The following ROS1 variants were observed in gnomAD, a reference collection of about 807,000 sequenced individuals.
ROS1 encodes ROS proto-oncogene 1, receptor tyrosine kinase.
ROS1 carries 263 observed loss-of-function variants against 273.5 expected under a neutral mutation model. The ratio of observed to expected loss-of-function variants is 0.96; its 90% confidence interval spans 0.87 to 1.06. The LOEUF is 1.06. ROS1 is among the 50% of genes least tolerant of loss of function. The pLI is 0.00. For synonymous variants in ROS1, 1,008 were observed against 954.1 expected, an observed-to-expected ratio of 1.06 and a Z score of -1.04; for missense variants, 2,833 against 2,751.1, an observed-to-expected ratio of 1.03 and a Z score of -0.67.
Position 117,300,983 on chromosome 6 carries a change from T to C in ROS1, c.6706A>G (p.Ser2236Gly), listed in dbSNP as rs1774675235. 1 of 1,564,520 alleles carries C rather than the reference T, an allele frequency of 6.4e-7. No individual in the cohort carries two copies. The highest frequency in any genetic ancestry group is 1.2e-5 in the South Asian group (1 of 80,544). ...GAAGAATCAAACTTACCTTCAAAGCTTTCATTTATGACTCCACTGTTGTTT... is the reference window on the plus strand; with the variant it reads ...GAAGAATCAAACTTACCTTCAAAGCCTTCATTTATGACTCCACTGTTGTTT... ...EANNSGVINE[S>G]FEGEDGDVIC... The change falls in exon 43 of 44, where the codon AGC becomes GGC. Residue 2236 changes from serine (S) to glycine (G), a missense_variant. Ser to Gly is a moderately conservative substitution (Grantham distance 56). Coordinates refer to ENST00000368507, the MANE Select transcript of ROS1 (RefSeq NM_001378902.1).
chr6:117,394,238 T>A lies in ROS1; in HGVS notation c.1115A>T (p.Tyr372Phe), dbSNP rs1562358765. Residue 372 changes from tyrosine (Y) to phenylalanine (F), a missense_variant, in exon 11 of 44, where the codon TAC becomes TTC. Physicochemically the swap from Tyr to Phe is conservative, Grantham distance 22. Transcript: ENST00000368507. ...MSDVSDLRIF[Y>F]RGSGLISSIS... is the part of the protein sequence containing the mutation. ...AGAAGAAATTAATCCTGAACCTCTGTAAAAAATTCTCAGGTCAGATACATC... is the reference window on the plus strand; with the variant it reads ...AGAAGAAATTAATCCTGAACCTCTGAAAAAAATTCTCAGGTCAGATACATC... 4 of 1,610,634 alleles carry A rather than the reference T, an allele frequency of 2.5e-6. No homozygotes were observed. In the Admixed American group the frequency reaches 6.7e-5, roughly 27 times the overall value.
At chr6:117,408,361 T>G (rs1330651532) in intron 5 of ROS1, among the ~76,000 whole-genome samples, 3 of 151,744 alleles carry the variant, frequency 2.0e-5, no homozygotes, top group Non-Finnish European at 4.4e-5. Flanking sequence ...TCAAACAAAT[T>G]TACAAGAAAA....
intron 9 of ROS1, 94 bp from the exon 10 acceptor site, chr6:117,394,832 G>T (rs934118733): frequency 2.6e-6 from 3 of 1,137,566 alleles, no homozygotes; most frequent in African/African-American, 1.5e-5. Context: ...AAAGCAAGGG[G>T]ACTAGTGCTT....
At chr6:117,383,048 C>T (rs1184944480) in intron 17 of ROS1, among the ~76,000 whole-genome samples, 1 of 151,970 alleles carries the variant, frequency 6.6e-6, no homozygotes, top group Non-Finnish European at 1.5e-5. Flanking sequence ...AAGTTGGGTT[C>T]ACTCAAAATA....
Position 117,337,172 on chromosome 6 carries a change from C to G in ROS1, c.5230G>C (p.Ala1744Pro), listed in dbSNP as rs1035565334. ...GAGTATTGAGTATGTTAGTACTCAC[C>G]TTTTGTCTTAAAGCTTTCTGGAAGT... ...TSLPESFKTK[A>P]GVPNKPGIPK... Residue 1744 changes from alanine (A) to proline (P), a missense_variant and splice_region_variant, in exon 32 of 44, where the codon GCT (alanine) becomes CCT (proline). By Grantham distance (27) the Ala-to-Pro change is conservative. Coordinates refer to ENST00000368507, the MANE Select transcript of ROS1 (RefSeq NM_001378902.1). The G allele has an allele frequency of 2.9e-5, 47 of 1,610,598 alleles. No individual in the cohort carries two copies. Among genetic ancestry groups the G allele is most frequent in the Non-Finnish European group, 3.9e-5 (46 of 1,178,222 alleles).
intron 2 of ROS1, 79 bp from the exon 3 acceptor site, chr6:117,416,396 T>G: frequency 1.1e-6 from 1 of 893,544 alleles, no homozygotes; most frequent in South Asian, 1.4e-5. Context: ...TACAATGTAG[T>G]AACAAAAGGC....
rs751398495 is a variant in ROS1, at chr6:117,389,725, G to A, written c.1411C>T (p.Pro471Ser). The A allele has an allele frequency of 1.9e-6, 3 of 1,614,164 alleles. No homozygotes were observed. The highest frequency in any genetic ancestry group is 2.2e-5 in the South Asian group (2 of 91,080). Residue 471 changes from proline (P) to serine (S), a missense_variant, in exon 13 of 44, where the codon CCA becomes TCA. Coordinates refer to ENST00000368507, the MANE Select transcript of ROS1 (RefSeq NM_001378902.1). ...SCTLKDFAIK[P>S]QAKRIIYFND... Reference sequence around the variant, plus strand: ...AAGTAAATGATTCGCTTGGCTTGTGGCTTGATTGCAAAGTCCTTTAACGTG... The same window carrying A: ...AAGTAAATGATTCGCTTGGCTTGTGACTTGATTGCAAAGTCCTTTAACGTG...
intron 35 of ROS1, among the ~76,000 whole-genome samples, chr6:117,321,830 T>A (rs1275811311): frequency 4.3e-5 from 1 of 23,506 alleles, no homozygotes; most frequent in African/African-American, 2.6e-4. Context: ...ATAATGGCAA[T>A]TTTTTTTTTT....
chr6:117,389,868 C>T, intron 12 of ROS1, 22 bp from the exon 13 acceptor site: 3 of 1,586,710 alleles, frequency 1.9e-6, no homozygotes, highest in Non-Finnish European at 2.6e-6. Context: ...ACAAAAGAAA[C>T]CTCATGAGAT....
At chr6:117,292,531 C>T (rs1238253600) in intron 43 of ROS1, among the ~76,000 whole-genome samples, 6 of 152,178 alleles carry the variant, frequency 3.9e-5, no homozygotes, top group African/African-American at 1.4e-4. Flanking sequence ...CCTATACCGG[C>T]TGCTCTCTGG....
At chr6:117,408,085 C>A (rs1409448139) in intron 5 of ROS1, among the ~76,000 whole-genome samples, 4 of 151,794 alleles carry the variant, frequency 2.6e-5, no homozygotes, top group Admixed American at 2.6e-4. Flanking sequence ...AAGACTTAAA[C>A]ATTAGACCTA....
intron 21 of ROS1, among the ~76,000 whole-genome samples, chr6:117,364,538 CAT>C (rs201937051): frequency 0.015 from 2,338 of 152,276 alleles, 48 homozygotes; most frequent in African/African-American, 0.053. Flanking sequence ...GTTTCTGACA[CAT>C]GATAGGTATG....
intron 31 of ROS1, 25 bp from the exon 32 acceptor site, chr6:117,337,365 AT>A: frequency 6.4e-7 from 1 of 1,567,490 alleles, no homozygotes; most frequent in Non-Finnish European, 8.6e-7. Flanking sequence ...CTCGATTAAT[AT>A]TTTTGTTTCT....
intron 43 of ROS1, among the ~76,000 whole-genome samples, chr6:117,294,061 T>C (rs531636562): frequency 1.3e-5 from 2 of 152,234 alleles, no homozygotes; most frequent in South Asian, 2.1e-4. Context: ...AAAAACCATA[T>C]GATCATATCA....
rs1780135537 is a variant in ROS1 at position 117,365,462 on chromosome 6, G to GACAAA, written c.2958+118_2958+119insTTTGT. On this transcript the variant is annotated intron_variant, in intron 20 of 43. Transcript: ENST00000368507. ...AATAATCTTAATGACCAAATGCTAT[G>GACAAA]GGAATGACAAAGAAGATGGGCTTGG... The GACAAA allele has an allele frequency of 4.5e-6, 4 of 898,572 alleles. No individual in the cohort carries two copies. In the African/African-American group the frequency reaches 6.7e-5, roughly 15 times the overall value. The allele number at this position is 898,572 out of a possible 1,614,324, so 55.7% of individuals were successfully genotyped here.
At chr6:117,323,664 T>C (rs1007177279) in intron 35 of ROS1, among the ~76,000 whole-genome samples, 2 of 152,190 alleles carry the variant, frequency 1.3e-5, no homozygotes, top group Admixed American at 1.3e-4. Flanking sequence ...GTCCAATCAG[T>C]ACTTGACCAT....
At chr6:117,296,316 G>T (rs541227071) in intron 43 of ROS1, among the ~76,000 whole-genome samples, 1 of 151,960 alleles carries the variant, frequency 6.6e-6, no homozygotes, top group African/African-American at 2.4e-5. Flanking sequence ...CATAAGAATC[G>T]CTTGAAACTG....
At chr6:117,318,586 G>T (rs1047332001) in intron 37 of ROS1, among the ~76,000 whole-genome samples, 1 of 151,934 alleles carries the variant, frequency 6.6e-6, no homozygotes, top group East Asian at 1.9e-4. Context: ...CCTTGCTTTC[G>T]ATTTATTTCT....
At position 117,326,335 on chromosome 6, in the gene ROS1, T is replaced by G. The variant is rs745796221; in HGVS notation, c.5428A>C (p.Thr1810Pro). The G allele has an allele frequency of 2.5e-5, 40 of 1,602,786 alleles. No homozygotes were observed. The highest frequency in any genetic ancestry group is 1.4e-4 in the Admixed American group (8 of 57,006). The part of the protein sequence containing the change: ...TFNGSCSSVC[T>P]WKSKNLKGIF... The stretch of plus-strand genomic sequence containing the variant: ...CCTTTCAGGTTTTTGGACTTCCATG[T>G]GCAAACACTACTGCAGGATCCATTA... Residue 1810 changes from threonine (T) to proline (P), a missense_variant, in exon 34 of 44, where the codon ACA (threonine) becomes CCA (proline). Transcript: ENST00000368507.
Sources: gnomAD v4.1 joint callset for allele counts (sites outside exome capture counted in the v4.1 genomes callset) on GRCh38, gnomAD v4.1.1 for gene constraint, MANE v1.5 for transcripts, NCBI Gene and HGNC (gene_info 2026-07-23, HGNC 2026-07-21) for gene names.